MRPL13: variants seen among roughly 807,000 people sequenced by gnomAD.
MRPL13 encodes the protein large ribosomal subunit protein uL13m.
A neutral mutation model predicts 29.0 loss-of-function variants in MRPL13; 33 were observed. The observed-to-expected ratio is 1.14, with a 90% confidence interval of 0.86 to 1.52. MRPL13 has a LOEUF of 1.52. MRPL13 is among the 40% of genes most tolerant of loss of function. MRPL13 has a pLI of 0.00. For synonymous variants in MRPL13, 77 were observed against 68.4 expected (o/e 1.13, Z -0.62); for missense variants, 227 against 216.7 (o/e 1.05, Z -0.30).
At chr8:120,444,877 G>T in intron 1 of MRPL13, 191 bp downstream of exon 1, 1 of 631,610 alleles carries the variant, frequency 1.6e-6, no homozygotes. Flanking sequence ...AAAAGAAGAG[G>T]GGACGAGTAA....
chr8:120,442,784 A>C (rs1369311471), intron 2 of MRPL13, among the ~76,000 whole-genome samples: 1 of 152,164 alleles, frequency 6.6e-6, no homozygotes, highest in Non-Finnish European at 1.5e-5. Flanking sequence ...CTAGCACCAT[A>C]TATTTTTCTA....
intron 2 of MRPL13, among the ~76,000 whole-genome samples, chr8:120,434,639 A>T (rs2130482120): frequency 6.6e-6 from 1 of 152,206 alleles, no homozygotes; most frequent in East Asian, 1.9e-4. Context: ...AAATTCTAAG[A>T]TCTCAGAAGT....
chr8:120,404,916 T>A (rs756683784), intron 6 of MRPL13, among the ~76,000 whole-genome samples: 3 of 152,280 alleles, frequency 2.0e-5, no homozygotes, highest in Admixed American at 6.5e-5. Context: ...GGCCCTGATA[T>A]GATTATCTTA....
intron 2 of MRPL13, among the ~76,000 whole-genome samples, chr8:120,440,960 G>C (rs1021045420): frequency 2.0e-5 from 3 of 151,770 alleles, no homozygotes; most frequent in Non-Finnish European, 4.4e-5. Flanking sequence ...ATGATGAGAC[G>C]TGCCAGAGTT....
intron 1 of MRPL13, 172 bp downstream of exon 1, chr8:120,444,896 C>G (rs1469211540): frequency 3.2e-6 from 2 of 627,048 alleles, no homozygotes; most frequent in African/African-American, 3.7e-5. Flanking sequence ...AACAGACGAA[C>G]GACATTAAGT....
chr8:120,409,634 T>G (rs1812719056), intron 6 of MRPL13, among the ~76,000 whole-genome samples: 1 of 152,182 alleles, frequency 6.6e-6, no homozygotes, highest in South Asian at 2.1e-4. Flanking sequence ...ACATATCTGC[T>G]TTGTACAGTC....
intron 5 of MRPL13, chr8:120,419,532 A>G (rs1438029341): frequency 6.0e-6 from 1 of 167,564 alleles, no homozygotes; most frequent in Non-Finnish European, 1.3e-5. Context: ...ACACTTTTTC[A>G]TAGTGAATGA....
intron 6 of MRPL13, among the ~76,000 whole-genome samples, chr8:120,398,352 T>C (rs1432326969): frequency 6.6e-6 from 1 of 152,106 alleles, no homozygotes; most frequent in Non-Finnish European, 1.5e-5. Context: ...AGGTAAAAAC[T>C]GAAACAACTA....
intron 6 of MRPL13, among the ~76,000 whole-genome samples, chr8:120,399,418 T>C (rs1019693509): frequency 3.3e-5 from 5 of 151,994 alleles, no homozygotes; most frequent in African/African-American, 1.2e-4. Context: ...GAAGAAGAAA[T>C]AAGATCTTTT....
At position 120,437,170 on chromosome 8, in the gene MRPL13, T is replaced by G. The variant is rs551007946; in HGVS notation, c.152-5047A>C. Among the ~76,000 whole-genome samples, 8 of 152,300 alleles carry G rather than the reference T, an allele frequency of 5.3e-5. No individual in the cohort carries two copies. The East Asian group carries it at 1.5e-3, about 29-fold the overall frequency. On this transcript the variant is annotated intron_variant, in intron 2 of 6. Transcript: ENST00000306185. The stretch of plus-strand genomic sequence containing the variant: ...TACAATTTAGATTGCAAAATTAAAA[T>G]GCTGTGATATTAACATTTGAAATAC...
At chr8:120,428,524 C>A (rs1185338932) in intron 3 of MRPL13, among the ~76,000 whole-genome samples, 1 of 152,022 alleles carries the variant, frequency 6.6e-6, no homozygotes, top group Non-Finnish European at 1.5e-5. Context: ...AGCTTCTGCA[C>A]AACAAAAGAA....
intron 4 of MRPL13, among the ~76,000 whole-genome samples, chr8:120,423,485 G>GA (rs947672552): frequency 8.6e-5 from 13 of 150,878 alleles, no homozygotes; most frequent in African/African-American, 3.2e-4. Flanking sequence ...AAGGTATCCA[G>GA]AAAAAAAAGA....
At chr8:120,432,148 T>C in intron 2 of MRPL13, 25 bp from the exon 3 acceptor site, 1 of 1,528,486 alleles carries the variant, frequency 6.5e-7, no homozygotes. Flanking sequence ...GAAACAAGAT[T>C]TTGTAAGAAA....
chr8:120,405,084 G>A (rs1008546818), intron 6 of MRPL13, among the ~76,000 whole-genome samples: 1 of 152,144 alleles, frequency 6.6e-6, no homozygotes, highest in African/African-American at 2.4e-5. Context: ...TGCTTCCAAA[G>A]GGGGAAAAGC....
intron 3 of MRPL13, among the ~76,000 whole-genome samples, chr8:120,430,226 C>A (rs1417711717): frequency 2.0e-5 from 3 of 152,150 alleles, no homozygotes; most frequent in Non-Finnish European, 4.4e-5. Flanking sequence ...CGTACCACTG[C>A]ACTCCAGCCA....
chr8:120,396,555 A>C (rs1455307056), intron 6 of MRPL13, among the ~76,000 whole-genome samples: 1 of 152,170 alleles, frequency 6.6e-6, no homozygotes, highest in Non-Finnish European at 1.5e-5. Flanking sequence ...TCATATGCTA[A>C]ATTTAATTTT....
intron 1 of MRPL13, 81 bp from the exon 2 acceptor site, chr8:120,443,389 A>G: frequency 1.7e-6 from 2 of 1,208,266 alleles, no homozygotes; most frequent in Middle Eastern, 2.4e-4. Flanking sequence ...AATTAAATTT[A>G]TTATCATATA....
At chr8:120,434,885 A>G (rs1306232565) in intron 2 of MRPL13, among the ~76,000 whole-genome samples, 1 of 152,142 alleles carries the variant, frequency 6.6e-6, no homozygotes, top group Non-Finnish European at 1.5e-5. Context: ...TTGTTCTAGC[A>G]TTTGTATAAT....
chr8:120,409,277 T>A (rs181906181), intron 6 of MRPL13, among the ~76,000 whole-genome samples: 34 of 152,334 alleles, frequency 2.2e-4, no homozygotes, highest in Middle Eastern at 3.4e-3. Context: ...TCAAGTTGAA[T>A]TTTTTCACAT....
Sources: allele counts gnomAD v4.1 joint callset (sites outside exome capture counted in the v4.1 genomes callset), GRCh38; gene constraint gnomAD v4.1.1; transcripts MANE v1.5; gene names NCBI Gene and HGNC (gene_info 2026-07-23, HGNC 2026-07-21).